MTUS1: variants seen among roughly 807,000 people sequenced by gnomAD.
MTUS1 encodes the protein microtubule-associated tumor suppressor 1.
Under a neutral mutation model 120.8 loss-of-function variants are expected in MTUS1, and 109 were observed. The ratio of observed to expected loss-of-function variants is 0.90; its 90% CI spans 0.77 to 1.06. MTUS1 has a LOEUF of 1.06. MTUS1 is among the 50% of genes least tolerant of loss of function. The pLI is 0.00. For synonymous variants in MTUS1, 737 were observed against 550.5 expected, an observed-to-expected ratio of 1.34 and a Z score of -4.74; for missense variants, 2,210 against 1,486.3, an observed-to-expected ratio of 1.49 and a Z score of -8.01.
At chr8:17,676,247 G>C (rs1563182026) in intron 7 of MTUS1, 1 of 702,968 alleles carries the variant, frequency 1.4e-6, no homozygotes, top group East Asian at 2.7e-5. Context: ...CATTCTTCCA[G>C]AAAAGCACTA....
intron 1 of MTUS1, among the ~76,000 whole-genome samples, chr8:17,788,361 TTC>T (rs2051485336): frequency 6.6e-6 from 1 of 152,220 alleles, no homozygotes; most frequent in Non-Finnish European, 1.5e-5. Context: ...TTTTTCCGCA[TTC>T]TTTTTCTGTA....
chr8:17,748,262 T>C (rs2047920454), intron 2 of MTUS1: 1 of 152,172 alleles, frequency 6.6e-6, no homozygotes, highest in Non-Finnish European at 1.5e-5. Flanking sequence ...GAGCCAAGTG[T>C]AGATGGCCAG....
At chr8:17,674,413 C>G in intron 8 of MTUS1, 1 of 947,618 alleles carries the variant, frequency 1.1e-6, no homozygotes, top group South Asian at 4.9e-5. Flanking sequence ...AGCAAGATTC[C>G]GTCTCAAAAA....
chr8:17,710,502 G>A (rs1251879812), intron 6 of MTUS1, among the ~76,000 whole-genome samples: 1 of 152,078 alleles, frequency 6.6e-6, no homozygotes, highest in Non-Finnish European at 1.5e-5. Flanking sequence ...CACACCTTAG[G>A]CTTCACTTCT....
At chr8:17,735,662 C>A (rs1043557365) in intron 3 of MTUS1, among the ~76,000 whole-genome samples, 24 of 152,390 alleles carry the variant, frequency 1.6e-4, no homozygotes, top group Admixed American at 1.2e-3. Context: ...ATGTCACCGC[C>A]TCTCCTCCAG....
At chr8:17,661,828 C>A (rs1809776476) in intron 8 of MTUS1, among the ~76,000 whole-genome samples, 2 of 152,188 alleles carry the variant, frequency 1.3e-5, no homozygotes, top group South Asian at 4.1e-4. Flanking sequence ...TGCAGCTGTG[C>A]ACAGACCTTT....
intron 1 of MTUS1, among the ~76,000 whole-genome samples, chr8:17,759,134 G>A (rs2048849704): frequency 6.6e-6 from 1 of 152,124 alleles, no homozygotes; most frequent in Admixed American, 6.5e-5. Context: ...GCCCGCCTCG[G>A]CCTCCCAAAG....
intron 12 of MTUS1, among the ~76,000 whole-genome samples, chr8:17,652,739 G>A (rs1807286469): frequency 6.6e-6 from 1 of 151,860 alleles, no homozygotes; most frequent in Non-Finnish European, 1.5e-5. Context: ...GGGAGGGTGA[G>A]GCAGGAGACT....
chr8:17,669,911 G>A (rs1811671080), intron 8 of MTUS1, among the ~76,000 whole-genome samples: 1 of 152,168 alleles, frequency 6.6e-6, no homozygotes, highest in Non-Finnish European at 1.5e-5. Flanking sequence ...TACAGATCCT[G>A]GCCGCAAGTG....
intron 6 of MTUS1, among the ~76,000 whole-genome samples, chr8:17,688,584 C>T (rs550723470): frequency 3.3e-5 from 5 of 152,308 alleles, no homozygotes; most frequent in African/African-American, 1.2e-4. Context: ...CTGCCTTAAT[C>T]TAATCGTACA....
At chr8:17,680,855 C>T (rs1039946170) in intron 7 of MTUS1, among the ~76,000 whole-genome samples, 1 of 152,114 alleles carries the variant, frequency 6.6e-6, no homozygotes. Context: ...GGACTCCTGA[C>T]CTTCATCTCA....
At chr8:17,734,423 G>A (rs777760020) in intron 3 of MTUS1, among the ~76,000 whole-genome samples, 3 of 152,136 alleles carry the variant, frequency 2.0e-5, no homozygotes, top group East Asian at 1.9e-4. Context: ...ACAAAAACAC[G>A]GCAAGTCTTA....
intron 1 of MTUS1, chr8:17,800,578 A>G (rs892812364): frequency 6.6e-6 from 1 of 152,198 alleles, no homozygotes; most frequent in African/African-American, 2.4e-5. Context: ...TAAGCACTAT[A>G]GAGTAGTCAA....
rs1807443851 is a variant in MTUS1 at position 17,653,301 on chromosome 8, G to A, written c.3289-20C>T. On this transcript the variant is annotated intron_variant, in intron 11 of 14. Transcript: ENST00000693296. ...TTGCTTCTAAAACACAATGAAATGT[G>A]GAACTTAAGTTAACAAGAAAACCCC... 1 of 1,519,330 alleles carries A rather than the reference G, an allele frequency of 6.6e-7. No individual in the cohort carries two copies. Among genetic ancestry groups the A allele is most frequent in the Non-Finnish European group, 8.9e-7 (1 of 1,126,024 alleles). The allele number at this position is 1,519,330 out of a possible 1,614,324, so 94.1% of individuals were successfully genotyped here. A position where few individuals can be genotyped will look rare whatever the true frequency, so the allele number is the denominator to read the frequency against.
chr8:17,703,686 T>C (rs1819575124), intron 6 of MTUS1, among the ~76,000 whole-genome samples: 1 of 150,968 alleles, frequency 6.6e-6, no homozygotes, highest in South Asian at 2.1e-4. Context: ...TCTCCTGCAG[T>C]ACCCTCAGGC....
intron 2 of MTUS1, among the ~76,000 whole-genome samples, chr8:17,748,753 C>T (rs996937830): frequency 2.0e-5 from 3 of 152,176 alleles, no homozygotes; most frequent in Admixed American, 6.5e-5. Flanking sequence ...GCACCCCCAT[C>T]GCAAGTTTTA....
chr8:17,703,525 A>G (rs1364566312), intron 6 of MTUS1, among the ~76,000 whole-genome samples: 2 of 151,270 alleles, frequency 1.3e-5, no homozygotes, highest in Non-Finnish European at 2.9e-5. Context: ...CCCAGTTAGT[A>G]GTCCCAGGCA....
At chr8:17,765,241 G>GC (rs923312621) in intron 1 of MTUS1, among the ~76,000 whole-genome samples, 1 of 152,096 alleles carries the variant, frequency 6.6e-6, no homozygotes, top group Admixed American at 6.5e-5. Context: ...ACGAAGCTTT[G>GC]CCCCCTCGCC....
At chr8:17,722,613 T>C (rs914794661) in intron 4 of MTUS1, 3 of 978,328 alleles carry the variant, frequency 3.1e-6, no homozygotes, top group Non-Finnish European at 3.6e-6. Flanking sequence ...CCGTCGGAAA[T>C]GTGCTCATTA....
Sources: allele counts gnomAD v4.1 joint callset (sites outside exome capture counted in the v4.1 genomes callset), GRCh38; gene constraint gnomAD v4.1.1; transcripts MANE v1.5; gene names NCBI Gene and HGNC (gene_info 2026-07-23, HGNC 2026-07-21).